The following EHBP1 variants were observed in gnomAD, a reference collection of about 807,000 sequenced individuals.
The protein encoded by EHBP1 is EH domain binding protein 1.
A neutral mutation model predicts 144.0 loss-of-function variants in EHBP1; 55 were observed. The observed-to-expected ratio is 0.38, with a 90% CI of 0.31 to 0.48. EHBP1 has a LOEUF of 0.48. Among genes scored for constraint, EHBP1 ranks in the 20% least tolerant of loss-of-function variants. The pLI is 0.98. For missense variants in EHBP1, 1,200 were observed against 1,364.2 expected (o/e 0.88, Z 1.90); for synonymous variants, 469 against 472.7 (o/e 0.99, Z 0.10).
chr2:62,978,343 G>C (rs1443002967), intron 14 of EHBP1, among the ~76,000 whole-genome samples: 1 of 151,804 alleles, frequency 6.6e-6, no homozygotes, highest in African/African-American at 2.4e-5. Context: ...TGGGACTACA[G>C]GCACGTGCCA....
intron 19 of EHBP1, among the ~76,000 whole-genome samples, chr2:63,007,434 C>A (rs1473206586): frequency 6.6e-6 from 1 of 151,746 alleles, no homozygotes; most frequent in Non-Finnish European, 1.5e-5. Context: ...AGATACACAG[C>A]AAATATATAT....
chr2:62,989,207 T>A (rs1228775693), intron 15 of EHBP1, among the ~76,000 whole-genome samples: 2 of 152,118 alleles, frequency 1.3e-5, no homozygotes, highest in Admixed American at 6.6e-5. Context: ...TGATTTTTTT[T>A]TAAAAAAACA....
intron 13 of EHBP1, among the ~76,000 whole-genome samples, chr2:62,954,533 C>T (rs2057577252): frequency 6.6e-6 from 1 of 151,952 alleles, no homozygotes; most frequent in African/African-American, 2.4e-5. Context: ...CTGAATTGTA[C>T]ACTTTAAGAA....
chr2:62,733,797 T>G (rs912110643), intron 2 of EHBP1, among the ~76,000 whole-genome samples: 1 of 152,202 alleles, frequency 6.6e-6, no homozygotes, highest in Non-Finnish European at 1.5e-5. Context: ...CCAAGACTGA[T>G]CTTCCTGGGA....
intron 9 of EHBP1, among the ~76,000 whole-genome samples, chr2:62,867,276 T>C (rs549663815): frequency 5.3e-5 from 8 of 152,300 alleles, no homozygotes; most frequent in Admixed American, 5.2e-4. Context: ...AAGCTTCTTA[T>C]ACATAATGTT....
At position 62,771,383 on chromosome 2, in the gene EHBP1, C is replaced by T; in HGVS notation, c.303C>T (p.Val101=). 6.3e-7 allele frequency: 1 copy of T among 1,592,762 alleles called. No homozygotes were observed. Residue 101 remains valine, a synonymous_variant, in exon 5 of 23, where the codon GTC becomes GTT. Coordinates refer to ENST00000431489, the MANE Select transcript of EHBP1 (RefSeq NM_001142616.3). The stretch of plus-strand genomic sequence containing the variant: ...TTGAAGACAAAGAGTGGACATTTGT[C>T]ATAGAAAATGTAAGCTAATGGCAAA... ...EEFEDKEWTF[V]IENESPSGRR...
chr2:63,028,625 A>T (rs544702612), intron 19 of EHBP1, among the ~76,000 whole-genome samples: 1 of 152,288 alleles, frequency 6.6e-6, no homozygotes, highest in African/African-American at 2.4e-5. Flanking sequence ...TAGTTGTCCG[A>T]CTGCATGATA....
chr2:63,034,322 G>T, intron 19 of EHBP1, among the ~76,000 whole-genome samples: 1 of 151,720 alleles, frequency 6.6e-6, no homozygotes. Context: ...TTTCAAAATG[G>T]CTTTCAATAT....
chr2:63,043,838 C>T (rs1225141803), intron 21 of EHBP1: 1 of 139,276 alleles, frequency 7.2e-6, no homozygotes, highest in Non-Finnish European at 1.5e-5. Flanking sequence ...AAGAGAGAAA[C>T]CCAAAAGGAT....
intron 2 of EHBP1, among the ~76,000 whole-genome samples, chr2:62,718,751 T>G (rs2035928868): frequency 6.6e-6 from 1 of 152,200 alleles, no homozygotes; most frequent in South Asian, 2.1e-4. Flanking sequence ...CAGAAAGTGT[T>G]TATTGACTTG....
intron 7 of EHBP1, among the ~76,000 whole-genome samples, chr2:62,854,959 C>A (rs1213945502): frequency 2.6e-5 from 4 of 152,176 alleles, no homozygotes; most frequent in African/African-American, 9.6e-5. Flanking sequence ...TATTCTTGGA[C>A]CCTGGAGCAG....
chr2:63,037,225 C>A (rs1052958518), intron 19 of EHBP1, among the ~76,000 whole-genome samples: 1 of 151,586 alleles, frequency 6.6e-6, no homozygotes, highest in African/African-American at 2.4e-5. Flanking sequence ...ACTGTGAGTT[C>A]CTTATTGAAA....
chr2:62,901,359 A>G (rs1439382040), intron 10 of EHBP1, among the ~76,000 whole-genome samples: 1 of 152,202 alleles, frequency 6.6e-6, no homozygotes, highest in Non-Finnish European at 1.5e-5. Context: ...TAGCATAGAG[A>G]AAAAGGCCAG....
intron 10 of EHBP1, among the ~76,000 whole-genome samples, chr2:62,932,799 C>T (rs2056104198): frequency 6.6e-6 from 1 of 151,678 alleles, no homozygotes. Context: ...ACTAAAAATA[C>T]AAAAATTAGC....
intron 7 of EHBP1, among the ~76,000 whole-genome samples, chr2:62,851,467 T>C (rs1054550501): frequency 3.3e-5 from 5 of 152,236 alleles, no homozygotes; most frequent in Non-Finnish European, 7.3e-5. Context: ...AAAGCCCTCC[T>C]AACCTCTGAG....
At chr2:62,865,101 C>T in intron 9 of EHBP1, 130 bp downstream of exon 9, 1 of 1,037,586 alleles carries the variant, frequency 9.6e-7, no homozygotes, top group Admixed American at 2.4e-5. Flanking sequence ...CTAACTCGTC[C>T]ACTATCTGAG....
intron 19 of EHBP1, 61 bp from the exon 20 acceptor site, chr2:63,037,474 A>G (rs2061486754): frequency 1.8e-6 from 2 of 1,081,662 alleles, no homozygotes; most frequent in Non-Finnish European, 2.8e-6. Flanking sequence ...ATTATGTGCT[A>G]AACTACTATT....
chr2:62,947,040 A>G (rs992697881), intron 12 of EHBP1, among the ~76,000 whole-genome samples: 8 of 152,168 alleles, frequency 5.3e-5, no homozygotes, highest in Non-Finnish European at 1.2e-4. Context: ...ATGGCCTGCA[A>G]TTGATGCCTG....
At chr2:62,985,267 C>T (rs2059136306) in intron 15 of EHBP1, among the ~76,000 whole-genome samples, 1 of 152,124 alleles carries the variant, frequency 6.6e-6, no homozygotes, top group Admixed American at 6.6e-5. Context: ...GTCTTATGCA[C>T]AGTCCCTAGA....
Sources: gnomAD v4.1 joint callset for allele counts (sites outside exome capture counted in the v4.1 genomes callset) on GRCh38, gnomAD v4.1.1 for gene constraint, MANE v1.5 for transcripts, NCBI Gene and HGNC (gene_info 2026-07-23, HGNC 2026-07-21) for gene names.